The following HROB variants were observed in gnomAD, a reference collection of about 807,000 sequenced individuals.
The protein encoded by HROB is homologous recombination OB-fold protein.
HROB carries 44 observed loss-of-function variants against 61.0 expected under a neutral mutation model. The observed-to-expected ratio is 0.72, with a 90% CI of 0.57 to 0.93. HROB has a LOEUF of 0.93. Ranked by LOEUF, HROB falls within the 40% of genes least tolerant of loss-of-function variation. The pLI is 0.00. For synonymous variants in HROB, 301 were observed against 310.4 expected (o/e 0.97, Z 0.32); for missense variants, 716 against 796.2 (o/e 0.90, Z 1.21).
rs572888204 is a variant in HROB, at chr17:44,142,438, C to G, written c.3+293C>G. ...ACGTCACTACCGCTTGGGTCCATCC[C>G]TTTCCCCTCCCCGCCCCACACTTTC... On this transcript the variant is annotated intron_variant, in intron 1 of 9. Coordinates refer to ENST00000585683, the MANE Select transcript of HROB (RefSeq NM_001171251.3). Among the ~76,000 whole-genome samples the G allele has an allele frequency of 3.3e-5, 5 of 151,686 alleles. No individual in the cohort carries two copies. The South Asian group carries it at 1.0e-3, about 32-fold the overall frequency.
At chr17:44,154,322 G>A (rs556612171) in intron 5 of HROB, 12 of 475,124 alleles carry the variant, frequency 2.5e-5, no homozygotes, top group South Asian at 2.3e-4. Flanking sequence ...GCCTGGGAGC[G>A]AAACTCCCTC....
In HROB at chr17:44,148,381, G is replaced by A; in HGVS notation, c.578G>A (p.Gly193Asp). The A allele has an allele frequency of 1.2e-6, 2 of 1,614,116 alleles. No homozygotes were observed. Among genetic ancestry groups the A allele is most frequent in the East Asian group, 4.5e-5 (2 of 44,878 alleles). ...IPILPAQQREGSVLAKKARVV... is the reference protein window; with the variant it reads ...IPILPAQQREDSVLAKKARVV... ...ATCCTGCCTGCCCAGCAGCGGGAGG[G>A]TTCAGTATTGGCTAAAAAAGCCCGG... Residue 193 changes from glycine to aspartate, a missense_variant, in exon 3 of 10, where the codon GGT becomes GAT. Transcript: ENST00000585683.
At chr17:44,161,460 A>T (rs1048102790) in intron 9 of HROB, among the ~76,000 whole-genome samples, 1 of 152,162 alleles carries the variant, frequency 6.6e-6, no homozygotes, top group African/African-American at 2.4e-5. Flanking sequence ...TCAGATGAGA[A>T]GCCAATTAAG....
intron 9 of HROB, among the ~76,000 whole-genome samples, chr17:44,158,942 C>G (rs565930770): frequency 6.6e-6 from 1 of 152,148 alleles, no homozygotes; most frequent in Non-Finnish European, 1.5e-5. Context: ...CCACCGCGCC[C>G]GGCCATGCCC....
In HROB at chr17:44,162,333, CA is replaced by C; in HGVS notation, c.*402del. On this transcript the variant is annotated 3_prime_UTR_variant, in exon 10 of 10. Coordinates refer to ENST00000585683, the MANE Select transcript of HROB (RefSeq NM_001171251.3). Reference sequence around the variant, plus strand: ...ACAACAATGGCGGCCTGCCCCTCCACACAGGGGAGAAGCACGCTCAGGCTTC... The same window carrying C: ...ACAACAATGGCGGCCTGCCCCTCCACCAGGGGAGAAGCACGCTCAGGCTTC... 2.5e-5 allele frequency: 5 copies of C among 198,216 alleles called. No homozygotes were observed. The highest frequency in any genetic ancestry group is 9.2e-5 in the South Asian group (1 of 10,822). The allele number at this position is 198,216 out of a possible 1,614,324, so 12.3% of individuals were successfully genotyped here. A position where few individuals can be genotyped will look rare whatever the true frequency, so the allele number is the denominator to read the frequency against.
intron 1 of HROB, among the ~76,000 whole-genome samples, chr17:44,144,780 C>A (rs1348682665): frequency 6.7e-6 from 1 of 150,336 alleles, no homozygotes; most frequent in East Asian, 2.0e-4. Context: ...CACTCTGTCG[C>A]CCAGGCTGGA....
intron 9 of HROB, among the ~76,000 whole-genome samples, chr17:44,160,226 G>A (rs372030511): frequency 5.9e-5 from 9 of 151,842 alleles, no homozygotes; most frequent in South Asian, 2.1e-4. Context: ...TTTTTTTCTC[G>A]GTTATAATGA....
intron 8 of HROB, among the ~76,000 whole-genome samples, chr17:44,156,153 A>C (rs1005532319): frequency 2.0e-5 from 3 of 151,802 alleles, no homozygotes; most frequent in Admixed American, 6.6e-5. Context: ...CCAACTTTCC[A>C]CTTCCATTTT....
rs904557758 is a variant in HROB, at chr17:44,141,960, C to T, written c.-183C>T. 1 of 787,998 alleles carries T rather than the reference C, an allele frequency of 1.3e-6. No homozygotes were observed. 48.8% of individuals were successfully genotyped at this position (787,998 alleles called of 1,614,324 possible). A position where few individuals can be genotyped will look rare whatever the true frequency, so the allele number is the denominator to read the frequency against. Reference sequence around the variant, plus strand: ...CGGCGTCTTCGAATGCGGCCTAAGGCGCCTGCCGCCAGTCTCCTGGCGACT... The same window carrying T: ...CGGCGTCTTCGAATGCGGCCTAAGGTGCCTGCCGCCAGTCTCCTGGCGACT... On this transcript the variant is annotated 5_prime_UTR_variant, in exon 1 of 10. Transcript: ENST00000585683.
chr17:44,150,756 G>A lies in HROB; in HGVS notation c.1225-205G>A, dbSNP rs1052077556. Among the ~76,000 whole-genome samples, 3 of 152,150 alleles carry A rather than the reference G, an allele frequency of 2.0e-5. No individual in the cohort carries two copies. The South Asian group carries it at 6.2e-4, about 31-fold the overall frequency. On this transcript the variant is annotated intron_variant, in intron 3 of 9. Transcript: ENST00000585683. ...TGGTTTTTGCACCTGGGCGAGCTCCGGCTTCCTCACGTTTTCAAACCAATC... is the reference window on the plus strand; with the variant it reads ...TGGTTTTTGCACCTGGGCGAGCTCCAGCTTCCTCACGTTTTCAAACCAATC...
chr17:44,152,878 CG>C (rs1567719129), intron 5 of HROB, 101 bp downstream of exon 5: 1 of 1,410,416 alleles, frequency 7.1e-7, no homozygotes, highest in African/African-American at 1.4e-5. Context: ...TTTGCTCCCT[CG>C]TACCCTATAC....
intron 2 of HROB, among the ~76,000 whole-genome samples, chr17:44,146,136 A>G (rs1325676608): frequency 6.6e-6 from 1 of 151,810 alleles, no homozygotes; most frequent in Non-Finnish European, 1.5e-5. Context: ...TGCAACCTCA[A>G]CCTCCCAGGC....
intron 6 of HROB, 59 bp downstream of exon 6, chr17:44,154,723 G>C: frequency 6.3e-7 from 1 of 1,599,788 alleles, no homozygotes; most frequent in Non-Finnish European, 8.6e-7. Context: ...CAGGAAATGA[G>C]GTGGAATCAC....
In HROB at chr17:44,142,155, C is replaced by T; in HGVS notation, c.3+10C>T. 6.6e-7 allele frequency: 1 copy of T among 1,522,510 alleles called. No individual in the cohort carries two copies. Among genetic ancestry groups the T allele is most frequent in the Non-Finnish European group, 8.8e-7 (1 of 1,140,174 alleles). 94.3% of individuals were successfully genotyped at this position (1,522,510 alleles called of 1,614,324 possible). ...ACCCGCCGTCGCTATGGTAATGCCG[C>T]GCCCAGCTTGGGGGCTGGCGGGCCG... On this transcript the variant is annotated intron_variant, in intron 1 of 9. Transcript: ENST00000585683.
chr17:44,152,189 A>G (rs1277941274), intron 4 of HROB, among the ~76,000 whole-genome samples: 1 of 151,868 alleles, frequency 6.6e-6, no homozygotes, highest in Non-Finnish European at 1.5e-5. Flanking sequence ...CATGTTGGCC[A>G]GGCTGGTCTC....
In HROB at chr17:44,149,145, G is replaced by C. The variant is rs567375191; in HGVS notation, c.1224+118G>C. On this transcript the variant is annotated intron_variant, in intron 3 of 9. Coordinates refer to ENST00000585683, the MANE Select transcript of HROB (RefSeq NM_001171251.3). ...GAAGGAAGGAAGGAAGTGCAGAGAG[G>C]CTTTTCAAAGCTGCAGGAGAAATAA... is the stretch of plus-strand genomic sequence containing the variant. 47 of 1,037,318 alleles carry C rather than the reference G, an allele frequency of 4.5e-5. No homozygotes were observed. The South Asian group carries it at 6.0e-4, about 13-fold the overall frequency. 64.3% of individuals were successfully genotyped at this position (1,037,318 alleles called of 1,614,324 possible).
chr17:44,147,330 G>C (rs1413799581), intron 2 of HROB, among the ~76,000 whole-genome samples: 1 of 152,076 alleles, frequency 6.6e-6, no homozygotes, highest in Non-Finnish European at 1.5e-5. Context: ...TTAGATTGGA[G>C]TGTTTTTGAT....
intron 7 of HROB, 58 bp from the exon 8 acceptor site, chr17:44,155,228 C>T: frequency 6.2e-7 from 1 of 1,602,760 alleles, no homozygotes; most frequent in Non-Finnish European, 8.5e-7. Flanking sequence ...GCCAGGTGTC[C>T]ATCTGGCAGC....
chr17:44,155,492 CT>C, intron 8 of HROB, 81 bp downstream of exon 8: 4 of 1,569,194 alleles, frequency 2.5e-6, no homozygotes, highest in Non-Finnish European at 3.4e-6. Flanking sequence ...CTCTTCCACC[CT>C]GGGGAGCAGA....
Sources: gnomAD v4.1 joint callset for allele counts (sites outside exome capture counted in the v4.1 genomes callset) on GRCh38, gnomAD v4.1.1 for gene constraint, MANE v1.5 for transcripts, NCBI Gene and HGNC (gene_info 2026-07-23, HGNC 2026-07-21) for gene names.